Variants in ADGRL3 observed in about 807,000 individuals in gnomAD.
The protein encoded by ADGRL3 is calcium-independent alpha-latrotoxin receptor 3.
A neutral mutation model predicts 153.5 loss-of-function variants in ADGRL3; 62 were observed. The ratio of observed to expected loss-of-function variants is 0.40; its 90% CI spans 0.33 to 0.50. ADGRL3 has a LOEUF of 0.50. Ranked by LOEUF, ADGRL3 falls within the 20% of genes least tolerant of loss-of-function variation. ADGRL3 has a pLI of 0.47. For missense variants in ADGRL3, 1,641 were observed against 1,859.4 expected, an observed-to-expected ratio of 0.88 and a Z score of 2.16; for synonymous variants, 710 against 672.5, an observed-to-expected ratio of 1.06 and a Z score of -0.86.
At chr4:61,488,976 T>G (rs1481827958) in intron 2 of ADGRL3, among the ~76,000 whole-genome samples, 1 of 152,052 alleles carries the variant, frequency 6.6e-6, no homozygotes, top group Non-Finnish European at 1.5e-5. Context: ...AATGTTCTTC[T>G]ATCCCACTTA....
chr4:61,353,186 T>C (rs2096085952), intron 1 of ADGRL3, among the ~76,000 whole-genome samples: 1 of 152,198 alleles, frequency 6.6e-6, no homozygotes, highest in Non-Finnish European at 1.5e-5. Flanking sequence ...TAAATAAGTC[T>C]GTATTTTTAC....
chr4:61,585,991 A>G (rs1486302064), intron 4 of ADGRL3, among the ~76,000 whole-genome samples: 1 of 152,058 alleles, frequency 6.6e-6, no homozygotes, highest in Non-Finnish European at 1.5e-5. Flanking sequence ...TAAAAGCAAT[A>G]CAAAAGGTCA....
At chr4:62,063,549 CA>C (rs1343209106) in intron 25 of ADGRL3, 1 of 699,474 alleles carries the variant, frequency 1.4e-6, no homozygotes, top group African/African-American at 1.8e-5. Flanking sequence ...GCTTCGTCCG[CA>C]TGGTACTAAC....
chr4:61,566,812 C>T (rs2098818215), intron 4 of ADGRL3, among the ~76,000 whole-genome samples: 1 of 151,960 alleles, frequency 6.6e-6, no homozygotes, highest in Non-Finnish European at 1.5e-5. Context: ...TTTATTGCTC[C>T]TTTTGACTGT....
intron 8 of ADGRL3, among the ~76,000 whole-genome samples, chr4:61,794,032 A>G (rs1484971765): frequency 6.6e-6 from 1 of 152,210 alleles, no homozygotes; most frequent in African/African-American, 2.4e-5. Flanking sequence ...TTGGAAATCT[A>G]TTAGATAAAA....
At chr4:61,583,104 A>G (rs1044508617) in intron 4 of ADGRL3, among the ~76,000 whole-genome samples, 1 of 152,004 alleles carries the variant, frequency 6.6e-6, no homozygotes, top group Admixed American at 6.6e-5. Context: ...CTCTTAGACT[A>G]TATTTAGTCT....
chr4:61,465,941 G>C (rs962595369), intron 2 of ADGRL3, among the ~76,000 whole-genome samples: 1 of 151,544 alleles, frequency 6.6e-6, no homozygotes, highest in Non-Finnish European at 1.5e-5. Flanking sequence ...GGACAACTCC[G>C]TGAAACACCC....
Position 62,002,543 on chromosome 4 carries a change from A to G in ADGRL3, c.3395+4278A>G, listed in dbSNP as rs868325432. Among the ~76,000 whole-genome samples, 10 of 152,072 alleles carry G rather than the reference A, an allele frequency of 6.6e-5. No homozygotes were observed. The South Asian group carries it at 1.0e-3, about 16-fold the overall frequency. On this transcript the variant is annotated intron_variant, in intron 21 of 26. Transcript: ENST00000683033. The stretch of plus-strand genomic sequence containing the variant: ...TAATTGGTTGGCTCATTACTATATT[A>G]AAGAATTCTCTAGAAAAAATAATAA...
At chr4:61,572,464 C>G (rs1194811393) in intron 4 of ADGRL3, among the ~76,000 whole-genome samples, 1 of 152,034 alleles carries the variant, frequency 6.6e-6, no homozygotes, top group Non-Finnish European at 1.5e-5. Context: ...ACTTAAAATT[C>G]TTCGTGTACC....
At chr4:61,928,671 C>T (rs2098804904) in intron 13 of ADGRL3, among the ~76,000 whole-genome samples, 1 of 152,080 alleles carries the variant, frequency 6.6e-6, no homozygotes, top group South Asian at 2.1e-4. Context: ...GTATGCACTA[C>T]AATAACCTGT....
chr4:61,255,271 T>C (rs1170039025), intron 1 of ADGRL3, among the ~76,000 whole-genome samples: 4 of 152,196 alleles, frequency 2.6e-5, no homozygotes, highest in African/African-American at 9.6e-5. Flanking sequence ...CCAGAAGTTA[T>C]AGTATATTCA....
chr4:61,669,498 C>T lies in ADGRL3; in HGVS notation c.474-7328C>T, dbSNP rs570257738. Among the ~76,000 whole-genome samples the T allele has an allele frequency of 9.2e-4, 140 of 152,278 alleles. 1 individual carries two copies. The Middle Eastern group carries it at 0.01, about 11-fold the overall frequency. On this transcript the variant is annotated intron_variant, in intron 5 of 26. Transcript: ENST00000683033. ...CCTGAGAACTAAAAACCCATAGTTA[C>T]TGTGATCACCTAAACTATTTTGAGA...
At chr4:61,948,070 T>C (rs1017165358) in intron 16 of ADGRL3, 30 bp from the exon 17 acceptor site, 2 of 1,576,296 alleles carry the variant, frequency 1.3e-6, no homozygotes, top group African/African-American at 2.7e-5. Context: ...AAAGTAGTTG[T>C]TGATTTTATG....
chr4:61,558,625 A>C (rs980166154), intron 4 of ADGRL3, among the ~76,000 whole-genome samples: 4 of 151,834 alleles, frequency 2.6e-5, no homozygotes, highest in Non-Finnish European at 5.9e-5. Context: ...TCAATCAATC[A>C]TCTATCTGTC....
intron 5 of ADGRL3, among the ~76,000 whole-genome samples, chr4:61,665,148 C>T (rs1052388584): frequency 2.0e-5 from 3 of 152,182 alleles, no homozygotes; most frequent in East Asian, 1.9e-4. Flanking sequence ...CGGTGGCTCC[C>T]GCCTGTAATT....
intron 1 of ADGRL3, among the ~76,000 whole-genome samples, chr4:61,372,709 G>A (rs1335788861): frequency 6.6e-6 from 1 of 152,160 alleles, no homozygotes; most frequent in African/African-American, 2.4e-5. Flanking sequence ...CCCCAGAGGT[G>A]GAGCCTACAG....
intron 11 of ADGRL3, among the ~76,000 whole-genome samples, chr4:61,896,867 G>A (rs1051951114): frequency 6.6e-6 from 1 of 152,180 alleles, no homozygotes; most frequent in Admixed American, 6.5e-5. Context: ...CTTGCTGGAT[G>A]TGATCAGATT....
intron 4 of ADGRL3, among the ~76,000 whole-genome samples, chr4:61,569,993 T>C (rs2098831856): frequency 6.6e-6 from 1 of 152,198 alleles, no homozygotes; most frequent in Non-Finnish European, 1.5e-5. Flanking sequence ...ATTTGATGAA[T>C]ATTTGGATTG....
At chr4:61,541,247 A>G (rs2098688613) in intron 4 of ADGRL3, among the ~76,000 whole-genome samples, 1 of 151,680 alleles carries the variant, frequency 6.6e-6, no homozygotes, top group Admixed American at 6.6e-5. Flanking sequence ...CCCTGGTGAG[A>G]GTTCACCCTG....
Sources: allele counts gnomAD v4.1 joint callset (sites outside exome capture counted in the v4.1 genomes callset), GRCh38; gene constraint gnomAD v4.1.1; transcripts MANE v1.5; gene names NCBI Gene and HGNC (gene_info 2026-07-23, HGNC 2026-07-21).